RORA: variants seen among roughly 807,000 people sequenced by gnomAD.
RORA encodes the protein nuclear receptor ROR-alpha.
A neutral mutation model predicts 69.5 loss-of-function variants in RORA; 7 were observed. The ratio of observed to expected loss-of-function variants is 0.10; its 90% CI spans 0.06 to 0.19. The LOEUF (loss-of-function observed/expected upper bound fraction) is 0.19. Among genes scored for constraint, RORA ranks in the 10% least tolerant of loss-of-function variants. The pLI is 1.00. For missense variants in RORA, 457 were observed against 663.0 expected (o/e 0.69, Z 3.41); for synonymous variants, 261 against 240.8 (o/e 1.08, Z -0.78).
At chr15:60,932,154 T>C (rs895000573) in intron 1 of RORA, among the ~76,000 whole-genome samples, 2 of 152,094 alleles carry the variant, frequency 1.3e-5, no homozygotes, top group Non-Finnish European at 2.9e-5. Context: ...GTAGAAAGAA[T>C]TCATGGTATT....
intron 1 of RORA, among the ~76,000 whole-genome samples, chr15:61,047,159 G>A (rs1364836537): frequency 6.6e-6 from 1 of 152,188 alleles, no homozygotes; most frequent in East Asian, 1.9e-4. Flanking sequence ...AACCACAGAG[G>A]GCCTTCTTTG....
intron 2 of RORA, among the ~76,000 whole-genome samples, chr15:60,611,411 C>T (rs1429481309): frequency 1.3e-5 from 2 of 151,812 alleles, no homozygotes; most frequent in African/African-American, 4.8e-5. Flanking sequence ...ATAGCTTTAA[C>T]CTTCCTCAAA....
intron 1 of RORA, among the ~76,000 whole-genome samples, chr15:61,012,063 G>A (rs962694961): frequency 2.0e-5 from 3 of 152,168 alleles, no homozygotes; most frequent in African/African-American, 7.2e-5. Flanking sequence ...CAGGAAGGGG[G>A]GTGTTCACTA....
intron 1 of RORA, among the ~76,000 whole-genome samples, chr15:60,996,302 C>T (rs1455906928): frequency 2.0e-5 from 3 of 152,034 alleles, no homozygotes; most frequent in Non-Finnish European, 4.4e-5. Flanking sequence ...GAACTCCTGA[C>T]CTCAAGTGTT....
chr15:61,039,035 A>C (rs1463550558), intron 1 of RORA: 2 of 152,236 alleles, frequency 1.3e-5, no homozygotes, highest in African/African-American at 2.4e-5. Context: ...TGGGAGACTC[A>C]CGGGATATTT....
chr15:60,611,773 C>T (rs891466497), intron 2 of RORA, among the ~76,000 whole-genome samples: 1 of 152,048 alleles, frequency 6.6e-6, no homozygotes, highest in African/African-American at 2.4e-5. Context: ...TTCATCACTG[C>T]ACTCAAAGAT....
chr15:61,176,936 G>T (rs907458315), intron 1 of RORA, among the ~76,000 whole-genome samples: 2 of 152,164 alleles, frequency 1.3e-5, no homozygotes, highest in East Asian at 3.9e-4. Flanking sequence ...CTGGCCTCTG[G>T]AACATTCACT....
At chr15:60,568,983 C>G (rs2067796895) in intron 2 of RORA, among the ~76,000 whole-genome samples, 1 of 150,212 alleles carries the variant, frequency 6.7e-6, no homozygotes, top group Non-Finnish European at 1.5e-5. Context: ...ATGGCATTTC[C>G]TGGAGTTTAA....
intron 2 of RORA, among the ~76,000 whole-genome samples, chr15:60,540,158 C>T (rs999533543): frequency 2.6e-5 from 4 of 152,158 alleles, no homozygotes; most frequent in African/African-American, 4.8e-5. Flanking sequence ...GAACTGCATA[C>T]GTATTTTCTT....
chr15:61,189,844 G>C (rs1458756433), intron 1 of RORA, among the ~76,000 whole-genome samples: 2 of 95,996 alleles, frequency 2.1e-5, no homozygotes, highest in Admixed American at 1.8e-4. Flanking sequence ...GTGACAGAGC[G>C]AGACTCTGTC....
chr15:60,801,591 T>TA (rs1455721004), intron 1 of RORA, among the ~76,000 whole-genome samples: 1 of 152,252 alleles, frequency 6.6e-6, no homozygotes, highest in Non-Finnish European at 1.5e-5. Context: ...CTCTGCATTT[T>TA]ACAGATGACT....
At chr15:60,772,248 C>T (rs2072088472) in intron 1 of RORA, among the ~76,000 whole-genome samples, 1 of 151,936 alleles carries the variant, frequency 6.6e-6, no homozygotes, top group South Asian at 2.1e-4. Context: ...GTGATGTTCC[C>T]CGCTTTGTGT....
At position 60,977,115 on chromosome 15, in the gene RORA, G is replaced by GAAA. The variant is rs5813057; in HGVS notation, c.166+251935_166+251937dup. ...AAGTTGTTTCAAAACTGATTGGAGGGAAAAAAAAAAAAAAAACCTATAGCG... is the reference window on the plus strand; with the variant it reads ...AAGTTGTTTCAAAACTGATTGGAGGGAAAAAAAAAAAAAAAAAAACCTATAGCG... On this transcript the variant is annotated intron_variant, in intron 1 of 10. Transcript: ENST00000335670. Among the ~76,000 whole-genome samples the GAAA allele has an allele frequency of 7.5e-3, 1,026 of 135,936 alleles. 10 individuals are homozygous for GAAA. The highest frequency in any genetic ancestry group is 0.022 in the African/African-American group (801 of 37,148). The allele number at this position is 135,936 out of a possible 152,430, so 89.2% of individuals were successfully genotyped here.
intron 2 of RORA, among the ~76,000 whole-genome samples, chr15:60,553,137 T>C (rs2067269396): frequency 6.6e-6 from 1 of 152,238 alleles, no homozygotes. Context: ...GCTATTACTA[T>C]TGTTATATGA....
At chr15:60,831,998 G>A (rs1417863532) in intron 1 of RORA, among the ~76,000 whole-genome samples, 1 of 152,092 alleles carries the variant, frequency 6.6e-6, no homozygotes, top group Non-Finnish European at 1.5e-5. Flanking sequence ...CTGCATTTAC[G>A]GATACAGCAC....
chr15:60,735,379 G>A (rs1339665907), intron 1 of RORA, among the ~76,000 whole-genome samples: 11 of 152,192 alleles, frequency 7.2e-5, no homozygotes, highest in Non-Finnish European at 1.5e-4. Flanking sequence ...TAAGAAGAGG[G>A]AGAACAGCAA....
At chr15:61,225,390 A>T (rs1477186360) in intron 1 of RORA, among the ~76,000 whole-genome samples, 1 of 152,148 alleles carries the variant, frequency 6.6e-6, no homozygotes, top group East Asian at 1.9e-4. Context: ...CACCTACTAG[A>T]AAGTGAATCA....
At chr15:61,075,784 G>A (rs1052476773) in intron 1 of RORA, among the ~76,000 whole-genome samples, 5 of 152,128 alleles carry the variant, frequency 3.3e-5, no homozygotes, top group African/African-American at 1.2e-4. Flanking sequence ...CTTAGATTTT[G>A]AGCAAGAATT....
intron 2 of RORA, among the ~76,000 whole-genome samples, chr15:60,602,629 G>T (rs2068845649): frequency 6.6e-6 from 1 of 152,116 alleles, no homozygotes; most frequent in Non-Finnish European, 1.5e-5. Context: ...CTACATAGTG[G>T]TTATTTTACA....
Sources: gnomAD v4.1 joint callset for allele counts (sites outside exome capture counted in the v4.1 genomes callset) on GRCh38, gnomAD v4.1.1 for gene constraint, MANE v1.5 for transcripts, NCBI Gene and HGNC (gene_info 2026-07-23, HGNC 2026-07-21) for gene names.